Variants in GALNTL6 observed in about 807,000 individuals in gnomAD.
GALNTL6 encodes polypeptide N-acetylgalactosaminyltransferase like 6.
Under a neutral mutation model 73.7 loss-of-function variants are expected in GALNTL6, and 46 were observed. That is an observed-to-expected ratio of 0.62 (90% confidence interval 0.49 to 0.80). The LOEUF is 0.80. Among genes scored for constraint, GALNTL6 ranks in the 30% least tolerant of loss-of-function variants. The probability of loss-of-function intolerance (pLI) is 0.00; values close to 1 mark genes in which losing one functional copy is unlikely to be tolerated. For synonymous variants in GALNTL6, 259 were observed against 263.7 expected (o/e 0.98, Z 0.17); for missense variants, 604 against 755.0 (o/e 0.80, Z 2.34).
chr4:171,985,001 A>T (rs573452231), intron 2 of GALNTL6, among the ~76,000 whole-genome samples: 1 of 151,970 alleles, frequency 6.6e-6, no homozygotes, highest in Non-Finnish European at 1.5e-5. Flanking sequence ...AAAACAAAAA[A>T]AAAAAAGAAA....
chr4:172,855,307 A>G (rs1326859976), intron 7 of GALNTL6, among the ~76,000 whole-genome samples: 1 of 152,080 alleles, frequency 6.6e-6, no homozygotes, highest in Non-Finnish European at 1.5e-5. Context: ...AGAAATTTAC[A>G]GTTTTTATTT....
At chr4:172,030,779 G>A (rs1390567502) in intron 2 of GALNTL6, among the ~76,000 whole-genome samples, 1 of 151,170 alleles carries the variant, frequency 6.6e-6, no homozygotes, top group African/African-American at 2.4e-5. Context: ...ATGTATATAT[G>A]CATATTACCG....
chr4:172,481,342 G>A (rs943441099), intron 5 of GALNTL6, among the ~76,000 whole-genome samples: 1 of 126,784 alleles, frequency 7.9e-6, no homozygotes, highest in East Asian at 2.9e-4. Flanking sequence ...TAAAGGCAGT[G>A]CGGACCCAAA....
At chr4:172,236,575 T>G (rs1416717804) in intron 3 of GALNTL6, among the ~76,000 whole-genome samples, 2 of 112,026 alleles carry the variant, frequency 1.8e-5, no homozygotes, top group Admixed American at 9.0e-5. Context: ...AAAAAAAAAG[T>G]ATATTAGCAT....
At chr4:172,313,014 G>A (rs1429705450) in intron 4 of GALNTL6, among the ~76,000 whole-genome samples, 1 of 152,012 alleles carries the variant, frequency 6.6e-6, no homozygotes, top group African/African-American at 2.4e-5. Context: ...TTCTAGTTAC[G>A]AGAAATTTTA....
chr4:172,298,695 G>T (rs551153041), intron 3 of GALNTL6, among the ~76,000 whole-genome samples: 1 of 152,092 alleles, frequency 6.6e-6, no homozygotes, highest in Non-Finnish European at 1.5e-5. Context: ...GTTGAACCAG[G>T]CTTGCATCCC....
At chr4:172,623,862 G>A (rs899628125) in intron 5 of GALNTL6, among the ~76,000 whole-genome samples, 3 of 151,948 alleles carry the variant, frequency 2.0e-5, no homozygotes, top group African/African-American at 7.2e-5. Context: ...TTTTCATTTT[G>A]TTAATTTTTG....
At chr4:172,710,727 T>C (rs1734651769) in intron 5 of GALNTL6, among the ~76,000 whole-genome samples, 2 of 152,316 alleles carry the variant, frequency 1.3e-5, no homozygotes, top group South Asian at 2.1e-4. Flanking sequence ...CCACTTGATA[T>C]GTAATTTTTA....
At chr4:172,242,796 AAAG>A (rs1737491698) in intron 3 of GALNTL6, among the ~76,000 whole-genome samples, 1 of 152,230 alleles carries the variant, frequency 6.6e-6, no homozygotes, top group African/African-American at 2.4e-5. Context: ...TGGTTCTTGA[AAAG>A]CATAAGGCAT....
chr4:172,594,831 G>A (rs1309873856), intron 5 of GALNTL6, among the ~76,000 whole-genome samples: 1 of 152,116 alleles, frequency 6.6e-6, no homozygotes, highest in Admixed American at 6.6e-5. Context: ...ATATAATTAT[G>A]CCTCTTGGGA....
chr4:172,380,406 A>G (rs564088272), intron 5 of GALNTL6: 10 of 620,700 alleles, frequency 1.6e-5, no homozygotes, highest in African/African-American at 7.3e-5. Context: ...TTGCTCTCAT[A>G]TGGTTCTGCT....
chr4:172,743,109 A>G (rs1429605374), intron 5 of GALNTL6, among the ~76,000 whole-genome samples: 1 of 152,060 alleles, frequency 6.6e-6, no homozygotes, highest in East Asian at 1.9e-4. Context: ...AGTTATATGA[A>G]AAGAGCCTAT....
intron 5 of GALNTL6, among the ~76,000 whole-genome samples, chr4:172,596,119 A>C (rs1737844032): frequency 6.6e-6 from 1 of 152,106 alleles, no homozygotes; most frequent in African/African-American, 2.4e-5. Flanking sequence ...TGAATCCTGG[A>C]TGATGCTATT....
Position 172,726,005 on chromosome 4 carries a change from G to A in GALNTL6, c.554-83356G>A, listed in dbSNP as rs535043885. On this transcript the variant is annotated intron_variant, in intron 5 of 12. Coordinates refer to ENST00000506823, the MANE Select transcript of GALNTL6 (RefSeq NM_001034845.3). ...TTTCAATGATTATAATTGAGGCAGC[G>A]TTCCTTCCGCGGGGGCACTAGCTGC... is the stretch of plus-strand genomic sequence containing the variant. Among the ~76,000 whole-genome samples, 13 of 152,316 alleles carry A rather than the reference G, an allele frequency of 8.5e-5. 1 individual carries two copies. The South Asian group carries it at 2.7e-3, about 32-fold the overall frequency.
intron 2 of GALNTL6, among the ~76,000 whole-genome samples, chr4:172,031,555 T>G (rs1405744249): frequency 6.6e-6 from 1 of 152,098 alleles, no homozygotes. Flanking sequence ...AACACTGAGT[T>G]AGTCTGAGGT....
intron 7 of GALNTL6, among the ~76,000 whole-genome samples, chr4:172,863,192 A>C (rs1176222155): frequency 6.6e-6 from 1 of 152,204 alleles, no homozygotes; most frequent in East Asian, 1.9e-4. Flanking sequence ...AGGGCAGTGA[A>C]AAAGGGAAAG....
intron 2 of GALNTL6, among the ~76,000 whole-genome samples, chr4:171,867,160 G>T (rs2110888267): frequency 6.6e-6 from 1 of 152,102 alleles, no homozygotes; most frequent in East Asian, 1.9e-4. Context: ...AATAAACTAT[G>T]GATAAAATGA....
intron 2 of GALNTL6, among the ~76,000 whole-genome samples, chr4:172,198,541 A>G (rs1579243992): frequency 6.6e-6 from 1 of 152,308 alleles, no homozygotes; most frequent in East Asian, 1.9e-4. Flanking sequence ...AGAAATGCAA[A>G]TCAAAACCAA....
intron 5 of GALNTL6, among the ~76,000 whole-genome samples, chr4:172,396,503 C>T (rs1743854533): frequency 6.6e-6 from 1 of 151,988 alleles, no homozygotes; most frequent in African/African-American, 2.4e-5. Context: ...GAAGTGCAAG[C>T]CAAGTGAGGG....
Sources: allele counts gnomAD v4.1 joint callset (sites outside exome capture counted in the v4.1 genomes callset), GRCh38; gene constraint gnomAD v4.1.1; transcripts MANE v1.5; gene names NCBI Gene and HGNC (gene_info 2026-07-23, HGNC 2026-07-21).